ADGRL3: variants seen among roughly 807,000 people sequenced by gnomAD.
ADGRL3 encodes the protein adhesion G protein-coupled receptor L3.
A neutral mutation model predicts 153.5 loss-of-function variants in ADGRL3; 62 were observed. That is an observed-to-expected ratio of 0.40 (90% CI 0.33 to 0.50). The LOEUF (loss-of-function observed/expected upper bound fraction) is 0.50, where lower values mean the gene tolerates loss of function less well. ADGRL3 is among the 20% of genes least tolerant of loss of function. ADGRL3 has a pLI of 0.47. For synonymous variants in ADGRL3, 710 were observed against 672.5 expected, an observed-to-expected ratio of 1.06 and a Z score of -0.86; for missense variants, 1,641 against 1,859.4, an observed-to-expected ratio of 0.88 and a Z score of 2.16.
chr4:61,779,024 C>T (rs2152363779), intron 8 of ADGRL3, among the ~76,000 whole-genome samples: 1 of 151,108 alleles, frequency 6.6e-6, no homozygotes, highest in East Asian at 2.0e-4. Context: ...TGCCATTTGA[C>T]TCAAGCCTGG....
intron 1 of ADGRL3, among the ~76,000 whole-genome samples, chr4:61,296,984 A>T (rs530677140): frequency 6.6e-6 from 1 of 152,318 alleles, no homozygotes; most frequent in Non-Finnish European, 1.5e-5. Context: ...CAAAAGAGAA[A>T]GATCACTTTT....
chr4:61,887,555 T>C (rs2098546614), intron 9 of ADGRL3, among the ~76,000 whole-genome samples: 2 of 152,114 alleles, frequency 1.3e-5, no homozygotes, highest in Non-Finnish European at 2.9e-5. Context: ...CTTTAAAATA[T>C]TGCAAAACGG....
intron 18 of ADGRL3, among the ~76,000 whole-genome samples, chr4:61,983,097 T>A (rs1476345767): frequency 6.6e-6 from 1 of 152,168 alleles, no homozygotes; most frequent in Non-Finnish European, 1.5e-5. Flanking sequence ...ATATCAGAAA[T>A]AATTATTCAT....
chr4:61,273,930 T>C (rs2093333136), intron 1 of ADGRL3, among the ~76,000 whole-genome samples: 2 of 152,294 alleles, frequency 1.3e-5, no homozygotes, highest in South Asian at 4.1e-4. Context: ...TAGTAACTAT[T>C]AATAGCTTGA....
intron 1 of ADGRL3, among the ~76,000 whole-genome samples, chr4:61,283,370 A>C (rs947548255): frequency 1.3e-5 from 2 of 152,058 alleles, no homozygotes; most frequent in African/African-American, 2.4e-5. Flanking sequence ...AAGAACTGAG[A>C]GTTTTTCAGG....
intron 9 of ADGRL3, among the ~76,000 whole-genome samples, chr4:61,881,540 G>A (rs1224277367): frequency 2.0e-5 from 3 of 152,122 alleles, no homozygotes; most frequent in African/African-American, 4.8e-5. Context: ...CACCATGCCC[G>A]GCTAGTTTTT....
At position 61,537,940 on chromosome 4, in the gene ADGRL3, A is replaced by AT. The variant is rs1265903174; in HGVS notation, c.259+20429dup. The stretch of plus-strand genomic sequence containing the variant: ...ATCTCATCAAGCTTCCTTGCAATTC[A>AT]TTTTTTTAAATTCTTCATCTGTCAT... On this transcript the variant is annotated intron_variant, in intron 4 of 26. Coordinates refer to ENST00000683033, the MANE Select transcript of ADGRL3 (RefSeq NM_001387552.1). 4.6e-5 allele frequency among the ~76,000 whole-genome samples: 7 copies of AT among 151,996 alleles called. No individual in the cohort carries two copies. In the East Asian group the frequency reaches 1.2e-3, roughly 25 times the overall value.
In ADGRL3 at chr4:61,270,051, A is replaced by T. The variant is rs192455165; in HGVS notation, c.-240+68286A>T. Among the ~76,000 whole-genome samples the T allele has an allele frequency of 8.5e-3, 1,296 of 151,870 alleles. 6 individuals are homozygous for T. The highest frequency in any genetic ancestry group is 0.024 in the South Asian group (114 of 4,828). ...CATTTGTTACTATATATAAAAAACA[A>T]TACTTGTTTAAATGTATTTATTAAT... On this transcript the variant is annotated intron_variant, in intron 1 of 26. Transcript: ENST00000683033.
At chr4:61,222,886 T>C (rs529091984) in intron 1 of ADGRL3, among the ~76,000 whole-genome samples, 2 of 152,320 alleles carry the variant, frequency 1.3e-5, no homozygotes, top group South Asian at 4.1e-4. Flanking sequence ...TCCGATATTA[T>C]GGTTATAATT....
At chr4:61,286,844 T>C (rs2093959643) in intron 1 of ADGRL3, among the ~76,000 whole-genome samples, 1 of 151,826 alleles carries the variant, frequency 6.6e-6, no homozygotes, top group African/African-American at 2.4e-5. Context: ...TCTTTAATAA[T>C]TACAAAATCC....
intron 2 of ADGRL3, among the ~76,000 whole-genome samples, chr4:61,392,666 C>CA (rs1428049911): frequency 1.7e-5 from 1 of 60,160 alleles, no homozygotes; most frequent in Non-Finnish European, 3.3e-5. Flanking sequence ...AGCCTGGTGA[C>CA]AGAGCGAGAC....
intron 1 of ADGRL3, among the ~76,000 whole-genome samples, chr4:61,320,384 A>G (rs985246085): frequency 6.6e-6 from 1 of 152,230 alleles, no homozygotes; most frequent in Non-Finnish European, 1.5e-5. Context: ...AACAGAACTA[A>G]CAGGAGAGAA....
intron 3 of ADGRL3, among the ~76,000 whole-genome samples, chr4:61,510,206 G>T (rs1245724854): frequency 2.6e-5 from 4 of 152,014 alleles, no homozygotes; most frequent in Non-Finnish European, 4.4e-5. Flanking sequence ...TCATTCTGTG[G>T]GTTGTCTGTT....
At chr4:61,223,417 A>G (rs1256990302) in intron 1 of ADGRL3, among the ~76,000 whole-genome samples, 1 of 152,184 alleles carries the variant, frequency 6.6e-6, no homozygotes, top group Non-Finnish European at 1.5e-5. Flanking sequence ...TTTTTTATGG[A>G]TTTCTCATTG....
chr4:61,908,620 A>AC (rs2098707662), intron 11 of ADGRL3, among the ~76,000 whole-genome samples: 1 of 151,988 alleles, frequency 6.6e-6, no homozygotes, highest in East Asian at 1.9e-4. Flanking sequence ...AAAAAAAAAA[A>AC]AAAAGTCTCT....
chr4:61,376,782 A>T (rs1253613810), intron 1 of ADGRL3, among the ~76,000 whole-genome samples: 1 of 152,132 alleles, frequency 6.6e-6, no homozygotes, highest in Admixed American at 6.6e-5. Flanking sequence ...TTTCTCCTTT[A>T]TTATGTCATA....
intron 1 of ADGRL3, among the ~76,000 whole-genome samples, chr4:61,373,745 C>T (rs1231519026): frequency 1.3e-5 from 2 of 152,092 alleles, no homozygotes; most frequent in African/African-American, 2.4e-5. Context: ...CTGTATGCAA[C>T]ATCCATTATT....
intron 25 of ADGRL3, among the ~76,000 whole-genome samples, chr4:62,067,537 T>TGGAG (rs1743614969): frequency 6.6e-6 from 1 of 151,972 alleles, no homozygotes; most frequent in Admixed American, 6.6e-5. Flanking sequence ...ACACAACCTT[T>TGGAG]GAATATGAGC....
intron 25 of ADGRL3, among the ~76,000 whole-genome samples, chr4:62,046,167 A>G (rs941041163): frequency 6.6e-6 from 1 of 151,874 alleles, no homozygotes; most frequent in Admixed American, 6.6e-5. Context: ...TATTGATAGA[A>G]CTATCTTTCA....
Sources: gnomAD v4.1 joint callset for allele counts (sites outside exome capture counted in the v4.1 genomes callset) on GRCh38, gnomAD v4.1.1 for gene constraint, MANE v1.5 for transcripts, NCBI Gene and HGNC (gene_info 2026-07-23, HGNC 2026-07-21) for gene names.